The following PCSK5 variants were observed in gnomAD, a reference collection of about 807,000 sequenced individuals.
The protein encoded by PCSK5 is prohormone convertase 5.
A neutral mutation model predicts 233.2 loss-of-function variants in PCSK5; 129 were observed. That is an observed-to-expected ratio of 0.55 (90% CI 0.48 to 0.64). PCSK5 has a LOEUF of 0.64. Among genes scored for constraint, PCSK5 ranks in the 30% least tolerant of loss-of-function variants. PCSK5 has a pLI of 0.00. For missense variants in PCSK5, 2,076 were observed against 2,430.1 expected (o/e 0.85, Z 3.06); for synonymous variants, 825 against 879.2 (o/e 0.94, Z 1.09).
intron 6 of PCSK5, 32 bp from the exon 7 acceptor site, chr9:76,071,694 G>T: frequency 6.3e-7 from 1 of 1,586,204 alleles, no homozygotes; most frequent in South Asian, 1.1e-5. Context: ...GGGAAGCCCT[G>T]TAATGAGCTA....
At chr9:76,285,044 A>G (rs1317863425) in intron 24 of PCSK5, among the ~76,000 whole-genome samples, 1 of 152,210 alleles carries the variant, frequency 6.6e-6, no homozygotes, top group East Asian at 1.9e-4. Context: ...TGAGTGATTA[A>G]TCAAAACAGT....
At chr9:76,354,709 A>G (rs1830253281) in intron 37 of PCSK5, among the ~76,000 whole-genome samples, 1 of 152,174 alleles carries the variant, frequency 6.6e-6, no homozygotes, top group South Asian at 2.1e-4. Flanking sequence ...CCCAGGAGGC[A>G]AAGATTGCAG....
chr9:76,201,574 T>A (rs1200428421), intron 20 of PCSK5, among the ~76,000 whole-genome samples: 1 of 152,242 alleles, frequency 6.6e-6, no homozygotes, highest in African/African-American at 2.4e-5. Context: ...GACGGGTTTC[T>A]ATATTTTAGC....
rs13283682 is a variant in PCSK5, at chr9:76,288,876, T to G, written c.3143-3357T>G. 3.5e-3 allele frequency among the ~76,000 whole-genome samples: 527 copies of G among 152,310 alleles called. 1 individual carries two copies. The highest frequency in any genetic ancestry group is 0.01 in the Middle Eastern group (3 of 294). ...TTTCCAATACATCTTATAGGTATGA[T>G]GTGCACAGCTCCCACTGTGGCCCTC... On this transcript the variant is annotated intron_variant, in intron 24 of 37. Coordinates refer to ENST00000674117, the MANE Select transcript of PCSK5 (RefSeq NM_001372043.1).
At chr9:76,131,374 T>C (rs1462808133) in intron 9 of PCSK5, among the ~76,000 whole-genome samples, 1 of 152,128 alleles carries the variant, frequency 6.6e-6, no homozygotes, top group Non-Finnish European at 1.5e-5. Flanking sequence ...GTTTTTCAAT[T>C]TATCTTCTTT....
chr9:76,058,236 A>G (rs1186476226), intron 5 of PCSK5, among the ~76,000 whole-genome samples: 1 of 152,176 alleles, frequency 6.6e-6, no homozygotes, highest in East Asian at 1.9e-4. Flanking sequence ...CTAGGCAGGT[A>G]CATGCATTTT....
At chr9:76,177,274 C>A (rs1823655489) in intron 14 of PCSK5, among the ~76,000 whole-genome samples, 1 of 151,012 alleles carries the variant, frequency 6.6e-6, no homozygotes, top group African/African-American at 2.4e-5. Flanking sequence ...AGCCTGGGAA[C>A]AGAGTGAGAC....
At chr9:76,265,416 A>G (rs77048874) in intron 24 of PCSK5, among the ~76,000 whole-genome samples, 198 of 152,288 alleles carry the variant, frequency 1.3e-3, no homozygotes, top group African/African-American at 4.7e-3. Flanking sequence ...AAAAGGTGAA[A>G]AAAAAATTGC....
At position 76,222,981 on chromosome 9, in the gene PCSK5, C is replaced by T. The variant is rs754121682; in HGVS notation, c.2627-4522C>T. ...ATTAACACTTGTGATAGTAGAATCACTCATACTCTATGATTTCTGGCATCT... is the reference window on the plus strand; with the variant it reads ...ATTAACACTTGTGATAGTAGAATCATTCATACTCTATGATTTCTGGCATCT... On this transcript the variant is annotated intron_variant, in intron 20 of 37. Transcript: ENST00000674117. Among the ~76,000 whole-genome samples, 79 of 152,286 alleles carry T rather than the reference C, an allele frequency of 5.2e-4. 2 individuals carry two copies. Among genetic ancestry groups the T allele is most frequent in the Non-Finnish European group, 1.0e-3 (68 of 68,012 alleles).
chr9:76,355,346 G>C (rs145896031), intron 37 of PCSK5, among the ~76,000 whole-genome samples: 2 of 152,032 alleles, frequency 1.3e-5, no homozygotes, highest in Non-Finnish European at 2.9e-5. Context: ...GGTGGCGGGC[G>C]CCTGTAGTCC....
intron 20 of PCSK5, among the ~76,000 whole-genome samples, chr9:76,209,700 G>C (rs573710629): frequency 2.0e-5 from 3 of 152,072 alleles, no homozygotes; most frequent in East Asian, 3.9e-4. Flanking sequence ...TGACCTTAAA[G>C]AGCAACTAGT....
At chr9:76,255,108 G>A (rs1826940600) in intron 24 of PCSK5, among the ~76,000 whole-genome samples, 1 of 151,940 alleles carries the variant, frequency 6.6e-6, no homozygotes, top group Non-Finnish European at 1.5e-5. Context: ...GCAACATGGT[G>A]AAACCCCATC....
At position 76,067,913 on chromosome 9, in the gene PCSK5, T is replaced by C. The variant is rs543777594; in HGVS notation, c.633-42T>C. 11 of 1,486,808 alleles carry C rather than the reference T, an allele frequency of 7.4e-6. No homozygotes were observed. In the African/African-American group the frequency reaches 1.2e-4, roughly 17 times the overall value. The allele number at this position is 1,486,808 out of a possible 1,614,324, so 92.1% of individuals were successfully genotyped here. On this transcript the variant is annotated intron_variant, in intron 5 of 37. Transcript: ENST00000674117. The stretch of plus-strand genomic sequence containing the variant: ...CAGTGACGCGTTGGCTTTGTGAGAA[T>C]GGTGTGTCTTACTTGAGAAAGTGTG...
intron 2 of PCSK5, among the ~76,000 whole-genome samples, chr9:75,941,585 G>A (rs1033949355): frequency 6.6e-6 from 1 of 152,090 alleles, no homozygotes; most frequent in Non-Finnish European, 1.5e-5. Flanking sequence ...TACCTTTTTT[G>A]CCATGTTTTC....
At chr9:76,212,228 C>T (rs907236653) in intron 20 of PCSK5, among the ~76,000 whole-genome samples, 4 of 152,040 alleles carry the variant, frequency 2.6e-5, no homozygotes, top group African/African-American at 4.8e-5. Context: ...ATTTTGGTAC[C>T]TAAACATGAC....
intron 9 of PCSK5, among the ~76,000 whole-genome samples, chr9:76,113,488 T>G (rs1832303511): frequency 6.6e-6 from 1 of 152,194 alleles, no homozygotes; most frequent in African/African-American, 2.4e-5. Flanking sequence ...TAATCTCTCT[T>G]ACCTACATGT....
intron 20 of PCSK5, among the ~76,000 whole-genome samples, chr9:76,209,813 A>G (rs1251633569): frequency 6.6e-6 from 1 of 151,116 alleles, no homozygotes; most frequent in Non-Finnish European, 1.5e-5. Flanking sequence ...TTAAATATAT[A>G]TTAAATTATA....
chr9:76,317,566 G>T (rs1321855313), intron 30 of PCSK5, among the ~76,000 whole-genome samples: 1 of 152,234 alleles, frequency 6.6e-6, no homozygotes, highest in African/African-American at 2.4e-5. Flanking sequence ...GATTTAAAGA[G>T]GTCTCTGGTA....
intron 2 of PCSK5, among the ~76,000 whole-genome samples, chr9:75,985,781 A>G (rs1448856551): frequency 6.6e-6 from 1 of 152,220 alleles, no homozygotes; most frequent in Non-Finnish European, 1.5e-5. Context: ...AAAGTTGGCT[A>G]GCCCTTAGTA....
Sources: allele counts gnomAD v4.1 joint callset (sites outside exome capture counted in the v4.1 genomes callset), GRCh38; gene constraint gnomAD v4.1.1; transcripts MANE v1.5; gene names NCBI Gene and HGNC (gene_info 2026-07-23, HGNC 2026-07-21).